The following FAT3 variants were observed in gnomAD, a reference collection of about 807,000 sequenced individuals.
The protein encoded by FAT3 is protocadherin Fat 3.
FAT3 carries 95 observed loss-of-function variants against 310.2 expected under a neutral mutation model. That is an observed-to-expected ratio of 0.31 (90% confidence interval 0.26 to 0.36). The LOEUF is 0.36. Among genes scored for constraint, FAT3 ranks in the 10% least tolerant of loss-of-function variants. The probability of loss-of-function intolerance (pLI) is 1.00; values close to 1 mark genes in which losing one functional copy is unlikely to be tolerated. For synonymous variants in FAT3, 2,314 were observed against 2,192.9 expected (o/e 1.06, Z -1.54); for missense variants, 5,408 against 5,715.6 (o/e 0.95, Z 1.74).
At chr11:92,584,805 G>A (rs1939045808) in intron 3 of FAT3, among the ~76,000 whole-genome samples, 1 of 151,854 alleles carries the variant, frequency 6.6e-6, no homozygotes, top group Non-Finnish European at 1.5e-5. Flanking sequence ...TAAACATGCT[G>A]AAGAACATCT....
chr11:92,421,798 C>G (rs1286599011), intron 2 of FAT3, among the ~76,000 whole-genome samples: 1 of 152,118 alleles, frequency 6.6e-6, no homozygotes, highest in Non-Finnish European at 1.5e-5. Flanking sequence ...AATGCTAAGG[C>G]AAGGGATAGG....
chr11:92,666,112 C>G lies in FAT3; in HGVS notation c.3608-31272C>G, dbSNP rs546268637. On this transcript the variant is annotated intron_variant, in intron 3 of 27. Transcript: ENST00000525166. Reference sequence around the variant, plus strand: ...AACACCTTAACCATCTCACTTGATACAAATTTTGTGACATTACCTGTTGGC... The same window carrying G: ...AACACCTTAACCATCTCACTTGATAGAAATTTTGTGACATTACCTGTTGGC... 2.6e-5 allele frequency among the ~76,000 whole-genome samples: 4 copies of G among 152,274 alleles called. No homozygotes were observed. In the East Asian group the frequency reaches 5.8e-4, roughly 22 times the overall value.
intron 1 of FAT3, among the ~76,000 whole-genome samples, chr11:92,300,855 T>A (rs1946981817): frequency 6.6e-6 from 1 of 152,120 alleles, no homozygotes; most frequent in South Asian, 2.1e-4. Context: ...CTAACACACC[T>A]TTATATTATT....
intron 1 of FAT3, among the ~76,000 whole-genome samples, chr11:92,326,982 G>A (rs1310503313): frequency 6.6e-6 from 1 of 152,102 alleles, no homozygotes; most frequent in Non-Finnish European, 1.5e-5. Context: ...GAGGCAACTT[G>A]AAGTTTCCTT....
chr11:92,420,191 A>G (rs1950507038), intron 2 of FAT3, among the ~76,000 whole-genome samples: 1 of 152,200 alleles, frequency 6.6e-6, no homozygotes, highest in South Asian at 2.1e-4. Context: ...AATATTCACA[A>G]TTTGACTCTT....
intron 7 of FAT3, among the ~76,000 whole-genome samples, chr11:92,787,856 A>G (rs1394069589): frequency 6.6e-5 from 10 of 152,024 alleles, no homozygotes; most frequent in Non-Finnish European, 1.5e-5. Context: ...AGCATGAGAA[A>G]TTTCAGCATG....
chr11:92,262,829 G>A (rs1591023767), intron 1 of FAT3, among the ~76,000 whole-genome samples: 1 of 152,082 alleles, frequency 6.6e-6, no homozygotes, highest in East Asian at 1.9e-4. Context: ...TGTCCAAAAT[G>A]CAAGTGGTTG....
intron 7 of FAT3, among the ~76,000 whole-genome samples, chr11:92,778,012 T>C (rs1946639458): frequency 1.3e-5 from 2 of 151,920 alleles, no homozygotes; most frequent in African/African-American, 4.8e-5. Context: ...AAGTGGAAGA[T>C]CCAGTGGCTG....
chr11:92,405,644 A>C (rs147939570), intron 2 of FAT3, among the ~76,000 whole-genome samples: 139 of 152,262 alleles, frequency 9.1e-4, no homozygotes, highest in Middle Eastern at 3.4e-3. Flanking sequence ...CCAGCTACTC[A>C]GGAGGCTGAA....
intron 2 of FAT3, among the ~76,000 whole-genome samples, chr11:92,504,781 G>A (rs1953050132): frequency 6.6e-6 from 1 of 152,042 alleles, no homozygotes; most frequent in Non-Finnish European, 1.5e-5. Context: ...ATGTGTATCA[G>A]GTACTGGGAG....
intron 2 of FAT3, among the ~76,000 whole-genome samples, chr11:92,464,425 C>T (rs948380820): frequency 9.2e-5 from 14 of 152,180 alleles, no homozygotes; most frequent in African/African-American, 2.7e-4. Context: ...TCACTATCTC[C>T]GATTACTTAA....
intron 3 of FAT3, among the ~76,000 whole-genome samples, chr11:92,557,136 C>T (rs1475996391): frequency 6.6e-6 from 1 of 151,962 alleles, no homozygotes; most frequent in African/African-American, 2.4e-5. Flanking sequence ...CTTTCCTGTA[C>T]AGCCCCTCCT....
In FAT3 at chr11:92,744,780, CA is replaced by C. The variant is rs148457184; in HGVS notation, c.3670-17068del. 3.0e-4 allele frequency among the ~76,000 whole-genome samples: 46 copies of C among 150,996 alleles called. No homozygotes were observed. The East Asian group carries it at 6.0e-3, about 20-fold the overall frequency. ...AATTTTTACAATACACTGTATGGGC[CA>C]AAAAAAAGAAAGCATATTTCTGGGC... On this transcript the variant is annotated intron_variant, in intron 4 of 27. Coordinates refer to ENST00000525166, the MANE Select transcript of FAT3 (RefSeq NM_001367949.2).
At chr11:92,538,041 T>G (rs1472619814) in intron 3 of FAT3, among the ~76,000 whole-genome samples, 1 of 152,156 alleles carries the variant, frequency 6.6e-6, no homozygotes, top group Non-Finnish European at 1.5e-5. Context: ...TTTGTGAAAT[T>G]TTGTGGATCA....
At chr11:92,553,424 G>GT (rs1169709658) in intron 3 of FAT3, among the ~76,000 whole-genome samples, 2 of 152,330 alleles carry the variant, frequency 1.3e-5, no homozygotes, top group Middle Eastern at 6.8e-3. Flanking sequence ...AGAGCTTAGA[G>GT]TTTGGAGGGC....
At chr11:92,664,782 G>A (rs1306873198) in intron 3 of FAT3, among the ~76,000 whole-genome samples, 1 of 152,152 alleles carries the variant, frequency 6.6e-6, no homozygotes, top group Non-Finnish European at 1.5e-5. Context: ...ATGCAATATA[G>A]TCAAATTTTA....
chr11:92,647,422 G>C (rs1341662381), intron 3 of FAT3, among the ~76,000 whole-genome samples: 1 of 152,150 alleles, frequency 6.6e-6, no homozygotes, highest in Non-Finnish European at 1.5e-5. Flanking sequence ...ACTGGATTGA[G>C]TCTTTGAAAG....
At chr11:92,468,637 TC>T (rs1951833266) in intron 2 of FAT3, among the ~76,000 whole-genome samples, 1 of 152,138 alleles carries the variant, frequency 6.6e-6, no homozygotes, top group South Asian at 2.1e-4. Context: ...GACTCACAGT[TC>T]AACATGGCTG....
chr11:92,402,731 C>CA (rs545875608), intron 2 of FAT3, among the ~76,000 whole-genome samples: 16,534 of 123,824 alleles, frequency 0.13, 1,080 homozygotes, highest in African/African-American at 0.18. Context: ...GACCCCCTCT[C>CA]AAAAAAAAAA....
Sources: gnomAD v4.1 joint callset for allele counts (sites outside exome capture counted in the v4.1 genomes callset) on GRCh38, gnomAD v4.1.1 for gene constraint, MANE v1.5 for transcripts, NCBI Gene and HGNC (gene_info 2026-07-23, HGNC 2026-07-21) for gene names.